Variants in DEPDC7 observed in about 807,000 individuals in gnomAD.
DEPDC7 encodes the protein DEP domain containing 7.
Under a neutral mutation model 56.6 loss-of-function variants are expected in DEPDC7, and 41 were observed. The ratio of observed to expected loss-of-function variants is 0.72; its 90% CI spans 0.56 to 0.94. The LOEUF is 0.94. Ranked by LOEUF, DEPDC7 falls within the 40% of genes least tolerant of loss-of-function variation. The probability of loss-of-function intolerance (pLI) is 0.00; values close to 1 mark genes in which losing one functional copy is unlikely to be tolerated. For missense variants in DEPDC7, 522 were observed against 596.3 expected, an observed-to-expected ratio of 0.88 and a Z score of 1.30; for synonymous variants, 185 against 208.8, an observed-to-expected ratio of 0.89 and a Z score of 0.98.
At chr11:33,016,170 G>A in intron 1 of DEPDC7, 142 bp downstream of exon 1, 3 of 1,258,094 alleles carry the variant, frequency 2.4e-6, no homozygotes, top group South Asian at 6.4e-5. Context: ...GCACAGCTGC[G>A]ACCACTTGGC....
At position 33,033,511 on chromosome 11, in the gene DEPDC7, A is replaced by G. The variant is rs1453450496; in HGVS notation, c.*56A>G. ...TTTAAGAATAAATTATGTATCCTAA[A>G]TATCCAATCACATTTGTAAGCGTGG... On this transcript the variant is annotated 3_prime_UTR_variant, in exon 9 of 9. Coordinates refer to ENST00000241051, the MANE Select transcript of DEPDC7 (RefSeq NM_001077242.2). 3.3e-6 allele frequency: 4 copies of G among 1,222,196 alleles called. No individual in the cohort carries two copies. In the African/African-American group the frequency reaches 4.7e-5, roughly 14 times the overall value. 75.7% of individuals were successfully genotyped at this position (1,222,196 alleles called of 1,614,324 possible). A position where few individuals can be genotyped will look rare whatever the true frequency, so the allele number is the denominator to read the frequency against.
At chr11:33,020,121 G>T (rs1372560244) in intron 1 of DEPDC7, among the ~76,000 whole-genome samples, 2 of 152,052 alleles carry the variant, frequency 1.3e-5, no homozygotes, top group African/African-American at 4.8e-5. Flanking sequence ...AGTAGGACTA[G>T]GGTTGCTGAC....
chr11:33,015,977 G>A lies in DEPDC7; in HGVS notation c.22G>A (p.Ala8Thr). 1 of 1,578,090 alleles carries A rather than the reference G, an allele frequency of 6.3e-7. No homozygotes were observed. The highest frequency in any genetic ancestry group is 8.6e-7 in the Non-Finnish European group (1 of 1,162,926). Reference protein sequence around the residue: MATVQEKAAALNLSALHS... With the variant: MATVQEKTAALNLSALHS... The stretch of plus-strand genomic sequence containing the variant: ...GGCCATGGCCACCGTGCAGGAGAAG[G>A]CTGCTGCGCTGAACCTCTCGGCTCT... Residue 8 changes from alanine (A) to threonine (T), a missense_variant, in exon 1 of 9, where the codon GCT (alanine) becomes ACT (threonine). Ala to Thr is a moderately conservative substitution (Grantham distance 58, BLOSUM62 0). Transcript: ENST00000241051.
chr11:33,024,532 ATAGAG>A (rs34482093), intron 1 of DEPDC7, among the ~76,000 whole-genome samples: 48,907 of 151,392 alleles, frequency 0.32, 8,130 homozygotes, highest in East Asian at 0.41. Flanking sequence ...TGCAAACATC[ATAGAG>A]TATAGTTCCA....
Position 33,033,174 on chromosome 11 carries a change from A to C in DEPDC7, c.1343-88A>C. 2 of 1,124,244 alleles carry C rather than the reference A, an allele frequency of 1.8e-6. 1 individual carries two copies. The highest frequency in any genetic ancestry group is 5.9e-4 in the Middle Eastern group (2 of 3,390). 69.6% of individuals were successfully genotyped at this position (1,124,244 alleles called of 1,614,324 possible). On this transcript the variant is annotated intron_variant, in intron 8 of 8. Transcript: ENST00000241051. ...TGCATATTACAAAATGGGGAAGAAA[A>C]ACATAAAGACAAGAATATTGCTTGA...
intron 4 of DEPDC7, among the ~76,000 whole-genome samples, chr11:33,029,066 G>A (rs1391859711): frequency 6.6e-6 from 1 of 151,670 alleles, no homozygotes; most frequent in East Asian, 1.9e-4. Flanking sequence ...TTGTTAAAAT[G>A]TAGAGCTGTC....
At chr11:33,016,121 G>C (rs1178591079) in intron 1 of DEPDC7, 93 bp downstream of exon 1, 3 of 1,245,854 alleles carry the variant, frequency 2.4e-6, no homozygotes, top group East Asian at 3.4e-5. Context: ...TGGGGCGTTC[G>C]GCCGCCTGCG....
intron 8 of DEPDC7, 43 bp from the exon 9 acceptor site, chr11:33,033,219 G>A: frequency 7.3e-7 from 1 of 1,378,400 alleles, no homozygotes; most frequent in Non-Finnish European, 1.0e-6. Context: ...TTAAATATGA[G>A]GAATTGAGTC....
intron 1 of DEPDC7, among the ~76,000 whole-genome samples, chr11:33,019,048 G>A (rs115017237): frequency 2.4e-4 from 36 of 152,240 alleles, no homozygotes; most frequent in African/African-American, 7.0e-4. Flanking sequence ...ACCCAACAAC[G>A]GAACTCAGGT....
At chr11:33,032,261 T>C in intron 5 of DEPDC7, 75 bp from the exon 6 acceptor site, 1 of 1,352,662 alleles carries the variant, frequency 7.4e-7, no homozygotes, top group Non-Finnish European at 1.0e-6. Flanking sequence ...TAACTCAAAC[T>C]GTAACTTGAG....
intron 1 of DEPDC7, among the ~76,000 whole-genome samples, chr11:33,018,178 C>G (rs1164336538): frequency 6.6e-6 from 1 of 152,148 alleles, no homozygotes; most frequent in Non-Finnish European, 1.5e-5. Context: ...ACTACCAGAA[C>G]CAATATCCAG....
rs532641786 is a variant in DEPDC7 at position 33,032,023 on chromosome 11, T to C, written c.995-313T>C. 3.3e-5 allele frequency among the ~76,000 whole-genome samples: 5 copies of C among 152,306 alleles called. No individual in the cohort carries two copies. In the East Asian group the frequency reaches 9.6e-4, roughly 29 times the overall value. ...TCTCAAGGAGAGTTGGATACATGAG[T>C]ATTGTACACATGGTATACTCCCAAA... On this transcript the variant is annotated intron_variant, in intron 5 of 8. Coordinates refer to ENST00000241051, the MANE Select transcript of DEPDC7 (RefSeq NM_001077242.2).
At chr11:33,029,378 G>C (rs777969001) in intron 4 of DEPDC7, among the ~76,000 whole-genome samples, 4 of 151,010 alleles carry the variant, frequency 2.6e-5, no homozygotes, top group Non-Finnish European at 5.9e-5. Flanking sequence ...CGTAATCCCA[G>C]CTACTTGGGA....
At chr11:33,033,055 T>C in intron 8 of DEPDC7, 88 bp downstream of exon 8, 1 of 1,104,538 alleles carries the variant, frequency 9.1e-7, no homozygotes, top group South Asian at 1.6e-5. Flanking sequence ...AGTTGGACTT[T>C]AATTTCAACC....
At chr11:33,027,352 G>A (rs1413417281) in intron 2 of DEPDC7, among the ~76,000 whole-genome samples, 2 of 152,082 alleles carry the variant, frequency 1.3e-5, no homozygotes, top group Non-Finnish European at 2.9e-5. Context: ...AAAACGATAA[G>A]TACTGTTCAC....
chr11:33,027,861 GTTAT>G, intron 3 of DEPDC7, 48 bp downstream of exon 3: 1 of 1,468,438 alleles, frequency 6.8e-7, no homozygotes, highest in Middle Eastern at 1.7e-4. Flanking sequence ...AAACTTCAAA[GTTAT>G]TTAAAATTTT....
At chr11:33,033,141 A>G (rs923134294) in intron 8 of DEPDC7, 121 bp from the exon 9 acceptor site, 1 of 891,512 alleles carries the variant, frequency 1.1e-6, no homozygotes, top group Non-Finnish European at 1.7e-6. Context: ...AGTGCTTACC[A>G]TCTTCAGTGC....
chr11:33,019,673 A>T (rs1242316507), intron 1 of DEPDC7, among the ~76,000 whole-genome samples: 1 of 152,094 alleles, frequency 6.6e-6, no homozygotes, highest in African/African-American at 2.4e-5. Context: ...CTCAAAAAAG[A>T]AAAAAAAGTA....
At chr11:33,028,093 G>A (rs935188114) in intron 3 of DEPDC7, 13 of 262,798 alleles carry the variant, frequency 4.9e-5, no homozygotes, top group African/African-American at 2.4e-4. Context: ...TATGCTCTCC[G>A]ATGTTTCTTT....
Sources: allele counts gnomAD v4.1 joint callset (sites outside exome capture counted in the v4.1 genomes callset), GRCh38; gene constraint gnomAD v4.1.1; transcripts MANE v1.5; gene names NCBI Gene and HGNC (gene_info 2026-07-23, HGNC 2026-07-21).